AGAP1: variants seen among roughly 807,000 people sequenced by gnomAD.
AGAP1 encodes the protein arf-GAP with GTPase, ANK repeat and PH domain-containing protein 1.
In AGAP1, 29 loss-of-function variants were observed where a neutral mutation model predicts 105.3. The ratio of observed to expected loss-of-function variants is 0.28; its 90% confidence interval spans 0.21 to 0.38. The LOEUF is 0.38. Ranked by LOEUF, AGAP1 falls within the 10% of genes least tolerant of loss-of-function variation. The pLI, the probability that AGAP1 is intolerant of heterozygous loss-of-function variation, is 1.00. For synonymous variants in AGAP1, 509 were observed against 485.9 expected, an observed-to-expected ratio of 1.05 and a Z score of -0.63; for missense variants, 998 against 1,165.1, an observed-to-expected ratio of 0.86 and a Z score of 2.09.
intron 13 of AGAP1, among the ~76,000 whole-genome samples, chr2:236,031,074 T>G (rs769122682): frequency 6.6e-6 from 1 of 152,218 alleles, no homozygotes. Flanking sequence ...AAATTTGATA[T>G]GAGGACAAAG....
At chr2:235,583,135 A>G (rs190022361) in intron 1 of AGAP1, among the ~76,000 whole-genome samples, 1 of 152,222 alleles carries the variant, frequency 6.6e-6, no homozygotes, top group Non-Finnish European at 1.5e-5. Context: ...GGCCAGGGTC[A>G]GGTGTGGGTC....
At chr2:235,818,137 G>A (rs1465625483) in intron 9 of AGAP1, among the ~76,000 whole-genome samples, 1 of 152,182 alleles carries the variant, frequency 6.6e-6, no homozygotes, top group Non-Finnish European at 1.5e-5. Flanking sequence ...TTATTATCGT[G>A]TGAGACTTGT....
At position 235,569,822 on chromosome 2, in the gene AGAP1, T is replaced by C. The variant is rs1208365867; in HGVS notation, c.163+74973T>C. Among the ~76,000 whole-genome samples, 1 of 152,202 alleles carries C rather than the reference T, an allele frequency of 6.6e-6. No homozygotes were observed. Among genetic ancestry groups the C allele is most frequent in the Non-Finnish European group, 1.5e-5 (1 of 68,038 alleles). On this transcript the variant is annotated intron_variant, in intron 1 of 17. Coordinates refer to ENST00000304032, the MANE Select transcript of AGAP1 (RefSeq NM_001037131.3). The surrounding 1 kb of genome is among the most constrained non-coding windows in gnomAD (Gnocchi z 5.9). Reference sequence around the variant, plus strand: ...TCTCTGGAGTTCTCCCAAATCCCCATTGCCAATCAGTAGCTGAAAGTGGAT... The same window carrying C: ...TCTCTGGAGTTCTCCCAAATCCCCACTGCCAATCAGTAGCTGAAAGTGGAT...
Position 235,744,799 on chromosome 2 carries a change from G to C in AGAP1, c.498G>C (p.Arg166=). 6.2e-7 allele frequency: 1 copy of C among 1,614,008 alleles called. No homozygotes were observed. Residue 166 remains arginine (R), a synonymous_variant, in exon 5 of 18, where the codon CGG becomes CGC. Coordinates refer to ENST00000304032, the MANE Select transcript of AGAP1 (RefSeq NM_001037131.3). The surrounding 1 kb of genome is among the most constrained non-coding windows in gnomAD (Gnocchi z 5.2). ...YHYYSRMANY[R]NTSEIPLVLV... is the part of the protein sequence containing the mutation. ...ACTACAGTCGAATGGCCAACTATCG[G>C]AACACGAGCGAGATTCCTCTGGTTC...
In AGAP1 at chr2:235,801,911, CTATT is replaced by C. The variant is rs1957513801; in HGVS notation, c.957+2393_957+2396del. On this transcript the variant is annotated intron_variant, in intron 8 of 17. Transcript: ENST00000304032. This position sits in a 1 kb window ranked among gnomAD's most constrained non-coding sequence, Gnocchi z 6.0. ...CCACAAAGTATCTTTAAAAATGAGA[CTATT>C]TATAAGGAGAATACCAGCACCTTCC... Among the ~76,000 whole-genome samples the C allele has an allele frequency of 6.6e-6, 1 of 152,052 alleles. No individual in the cohort carries two copies. The highest frequency in any genetic ancestry group is 6.5e-5 in the Admixed American group (1 of 15,272).
At chr2:236,031,448 T>G (rs2057222267) in intron 13 of AGAP1, among the ~76,000 whole-genome samples, 1 of 152,160 alleles carries the variant, frequency 6.6e-6, no homozygotes, top group Non-Finnish European at 1.5e-5. Flanking sequence ...GGAGCCAGCC[T>G]TGGAGATCTC....
At chr2:235,713,331 T>G (rs1392755252) in intron 2 of AGAP1, among the ~76,000 whole-genome samples, 1 of 152,180 alleles carries the variant, frequency 6.6e-6, no homozygotes, top group Non-Finnish European at 1.5e-5. Flanking sequence ...TAAAAAAAGA[T>G]GTACGTCGGA....
chr2:235,834,267 C>T lies in AGAP1; in HGVS notation c.1050+26936C>T, dbSNP rs1959843453. On this transcript the variant is annotated intron_variant, in intron 9 of 17. Coordinates refer to ENST00000304032, the MANE Select transcript of AGAP1 (RefSeq NM_001037131.3). ...GCTGGCCATGGGGTTTGTGTCTCTG[C>T]ATGTTCTTCCGCATAGTATGAGGTG... 2.0e-5 allele frequency among the ~76,000 whole-genome samples: 3 copies of T among 152,222 alleles called. No homozygotes were observed. In the South Asian group the frequency reaches 6.2e-4, roughly 32 times the overall value.
intron 1 of AGAP1, among the ~76,000 whole-genome samples, chr2:235,674,244 A>T (rs1053584870): frequency 6.6e-6 from 1 of 152,260 alleles, no homozygotes; most frequent in African/African-American, 2.4e-5. Flanking sequence ...GCCAGCAGAC[A>T]TTCCAGAAAG....
rs1947974154 is a variant in AGAP1 at position 235,662,029 on chromosome 2, G to A, written c.164-47150G>A. Among the ~76,000 whole-genome samples the A allele has an allele frequency of 6.6e-6, 1 of 152,192 alleles. No homozygotes were observed. On this transcript the variant is annotated intron_variant, in intron 1 of 17. Coordinates refer to ENST00000304032, the MANE Select transcript of AGAP1 (RefSeq NM_001037131.3). This position sits in a 1 kb window ranked among gnomAD's most constrained non-coding sequence, Gnocchi z 4.2. ...AGATTGTAGGGCAGTGTTATCCTGG[G>A]TGAGTTGGGGTATGGCCATAGGAGG...
chr2:235,977,903 A>G lies in AGAP1; in HGVS notation c.1645+9280A>G, dbSNP rs911560455. Among the ~76,000 whole-genome samples, 1 of 152,096 alleles carries G rather than the reference A, an allele frequency of 6.6e-6. No homozygotes were observed. Among genetic ancestry groups the G allele is most frequent in the Non-Finnish European group, 1.5e-5 (1 of 68,032 alleles). ...CTGGGGGCTTAACCAGCAGAAACTC[A>G]TTTATCATGGTTCTGAAGGCTGCAA... On this transcript the variant is annotated intron_variant, in intron 13 of 17. Coordinates refer to ENST00000304032, the MANE Select transcript of AGAP1 (RefSeq NM_001037131.3). The surrounding 1 kb of genome is among the most constrained non-coding windows in gnomAD (Gnocchi z 5.2).
At chr2:235,817,584 G>A (rs1480284020) in intron 9 of AGAP1, among the ~76,000 whole-genome samples, 2 of 152,098 alleles carry the variant, frequency 1.3e-5, no homozygotes, top group Non-Finnish European at 2.9e-5. Flanking sequence ...TTATAAAGTA[G>A]GCATAGAAGA....
At chr2:235,641,313 T>TTCTCTCTCTC (rs1553594438) in intron 1 of AGAP1, among the ~76,000 whole-genome samples, 1 of 148,488 alleles carries the variant, frequency 6.7e-6, no homozygotes, top group Non-Finnish European at 1.5e-5. Flanking sequence ...CTCTCTCTCT[T>TTCTCTCTCTC]TCTCTTTCTC....
intron 6 of AGAP1, among the ~76,000 whole-genome samples, chr2:235,783,600 CATT>C (rs1956414781): frequency 6.6e-6 from 1 of 152,166 alleles, no homozygotes; most frequent in African/African-American, 2.4e-5. Context: ...ACCCACAAAA[CATT>C]ATGCTCTGTG....
chr2:235,720,749 G>C lies in AGAP1; in HGVS notation c.310+3105G>C, dbSNP rs1459953167. 1.0e-6 allele frequency: 1 copy of C among 977,942 alleles called. No homozygotes were observed. Among genetic ancestry groups the C allele is most frequent in the South Asian group, 4.7e-5 (1 of 21,110 alleles). The allele number at this position is 977,942 out of a possible 1,614,324, so 60.6% of individuals were successfully genotyped here. A position where few individuals can be genotyped will look rare whatever the true frequency, so the allele number is the denominator to read the frequency against. On this transcript the variant is annotated intron_variant, in intron 3 of 17. Transcript: ENST00000304032. This position sits in a 1 kb window ranked among gnomAD's most constrained non-coding sequence, Gnocchi z 5.0. ...CTTTATGTCATAATCCTGACCCGTG[G>C]CTGGGATATGTAGACTGCTGGGAGG...
rs1166237690 is a variant in AGAP1 at position 235,723,010 on chromosome 2, G to A, written c.310+5366G>A. 3.3e-5 allele frequency among the ~76,000 whole-genome samples: 5 copies of A among 152,122 alleles called. 1 individual carries two copies. The East Asian group carries it at 7.7e-4, about 23-fold the overall frequency. On this transcript the variant is annotated intron_variant, in intron 3 of 17. Coordinates refer to ENST00000304032, the MANE Select transcript of AGAP1 (RefSeq NM_001037131.3). The surrounding 1 kb of genome is among the most constrained non-coding windows in gnomAD (Gnocchi z 6.2). ...CAGGTTAGAGAAGCTTGGTTTAGAC[G>A]GTCGCTGCACTTAGAACTGTTGGAG...
At chr2:235,504,241 T>C (rs1941690819) in intron 1 of AGAP1, among the ~76,000 whole-genome samples, 1 of 152,222 alleles carries the variant, frequency 6.6e-6, no homozygotes, top group Non-Finnish European at 1.5e-5. Flanking sequence ...CAGCATCCAG[T>C]TCAGTGGCCA....
intron 1 of AGAP1, among the ~76,000 whole-genome samples, chr2:235,704,080 TC>T: frequency 6.6e-6 from 1 of 152,244 alleles, no homozygotes; most frequent in South Asian, 2.1e-4. Flanking sequence ...CACACCCATT[TC>T]CCTCTGCGTC....
In AGAP1 at chr2:235,908,790, T is replaced by C; in HGVS notation, c.1208T>C (p.Val403Ala). The C allele has an allele frequency of 1.2e-6, 2 of 1,613,746 alleles. No homozygotes were observed. The highest frequency in any genetic ancestry group is 1.7e-6 in the Non-Finnish European group (2 of 1,179,940). ...GKEIDLLRTT[V>A]KVPGKRPPRA... is the part of the protein sequence containing the mutation. The stretch of plus-strand genomic sequence containing the variant: ...GAGATTGACCTTCTGAGAACCACTG[T>C]GAAAGTCCCAGGGAAGAGGCCACCC... The change falls in exon 11 of 18, where the codon GTG becomes GCG. Residue 403 changes from valine (V) to alanine (A), a missense_variant. Physicochemically the swap from Val to Ala is moderately conservative, Grantham distance 64. Transcript: ENST00000304032. The surrounding 1 kb of genome is among the most constrained non-coding windows in gnomAD (Gnocchi z 4.4).
Sources: gnomAD v4.1 joint callset for allele counts (sites outside exome capture counted in the v4.1 genomes callset) on GRCh38, gnomAD v4.1.1 for gene constraint, Gnocchi (gnomAD v3.1) non-coding constraint, MANE v1.5 for transcripts, NCBI Gene and HGNC (gene_info 2026-07-23, HGNC 2026-07-21) for gene names.